RAP1GAP2: variants seen among roughly 807,000 people sequenced by gnomAD.
RAP1GAP2 encodes RAP1 GTPase activating protein 2.
A neutral mutation model predicts 95.0 loss-of-function variants in RAP1GAP2; 27 were observed. That is an observed-to-expected ratio of 0.28 (90% CI 0.21 to 0.39). The LOEUF is 0.39. Among genes scored for constraint, RAP1GAP2 ranks in the 10% least tolerant of loss-of-function variants. The probability of loss-of-function intolerance (pLI) is 1.00; values close to 1 mark genes in which losing one functional copy is unlikely to be tolerated. For synonymous variants in RAP1GAP2, 373 were observed against 380.9 expected (o/e 0.98, Z 0.24); for missense variants, 771 against 970.0 (o/e 0.79, Z 2.72).
intron 1 of RAP1GAP2, among the ~76,000 whole-genome samples, chr17:2,785,983 C>A (rs995552242): frequency 6.7e-6 from 1 of 149,148 alleles, no homozygotes; most frequent in Non-Finnish European, 1.5e-5. Context: ...CTCACCGCAA[C>A]CTCCACCTCC....
intron 3 of RAP1GAP2, among the ~76,000 whole-genome samples, chr17:2,907,272 G>A (rs2042228864): frequency 6.6e-6 from 1 of 152,148 alleles, no homozygotes; most frequent in Non-Finnish European, 1.5e-5. Context: ...GGAGGGGTAG[G>A]TCCTAGAGGG....
chr17:2,987,553 G>A (rs1425958220), intron 11 of RAP1GAP2, among the ~76,000 whole-genome samples: 2 of 151,916 alleles, frequency 1.3e-5, no homozygotes, highest in Non-Finnish European at 1.5e-5. Flanking sequence ...TAGAGACGGG[G>A]TTTCACCGTG....
chr17:2,892,492 T>G (rs2073758288), intron 2 of RAP1GAP2, among the ~76,000 whole-genome samples: 3 of 152,250 alleles, frequency 2.0e-5, no homozygotes, highest in Admixed American at 1.3e-4. Context: ...GACGGTCCAC[T>G]GGGGCTGTAT....
rs1367584452 is a variant in RAP1GAP2, at chr17:3,036,224, CT to C, written c.*2868del. ...TCATCTCAACACAAGCCTGCTGGCTCTTTTTAGCATCTCATCCAACCATGTC... is the reference window on the plus strand; with the variant it reads ...TCATCTCAACACAAGCCTGCTGGCTCTTTTAGCATCTCATCCAACCATGTC... On this transcript the variant is annotated 3_prime_UTR_variant, in exon 25 of 25. Transcript: ENST00000254695. 1 of 152,240 alleles carries C rather than the reference CT, an allele frequency of 6.6e-6. No homozygotes were observed. Among genetic ancestry groups the C allele is most frequent in the Non-Finnish European group, 1.5e-5 (1 of 68,046 alleles). The allele number at this position is 152,240 out of a possible 1,614,324, so 9.4% of individuals were successfully genotyped here.
Position 2,886,171 on chromosome 17 carries a change from ATTTTTT to A in RAP1GAP2, c.81-19099_81-19094del, listed in dbSNP as rs564574824. ...TGTGTGTGTGTGTGTGTATATATAT[ATTTTTT>A]TTTTTTTTTTTTTGAGCCGGAGTCT... is the stretch of plus-strand genomic sequence containing the variant. On this transcript the variant is annotated intron_variant, in intron 2 of 24. Transcript: ENST00000254695. Among the ~76,000 whole-genome samples the A allele has an allele frequency of 1.3e-3, 157 of 123,356 alleles. 2 individuals carry two copies. Among genetic ancestry groups the A allele is most frequent in the Middle Eastern group, 3.8e-3 (1 of 266 alleles). The allele number at this position is 123,356 out of a possible 152,430, so 80.9% of individuals were successfully genotyped here.
intron 19 of RAP1GAP2, among the ~76,000 whole-genome samples, chr17:3,024,477 G>C (rs9898054): frequency 0.95 from 145,229 of 152,336 alleles, 69,287 homozygotes; most frequent in African/African-American, 0.98. Flanking sequence ...CTTTGGAAAA[G>C]AGTCTGGCAG....
Position 3,005,915 on chromosome 17 carries a change from C to A in RAP1GAP2, c.1273-40C>A. ...GTGGCTGAAGACCTTCTGGCAACAGCCGAGAGTGACAGACCTGAGGTCCGT... is the reference window on the plus strand; with the variant it reads ...GTGGCTGAAGACCTTCTGGCAACAGACGAGAGTGACAGACCTGAGGTCCGT... On this transcript the variant is annotated intron_variant, in intron 15 of 24. Coordinates refer to ENST00000254695, the MANE Select transcript of RAP1GAP2 (RefSeq NM_015085.5). The surrounding 1 kb of genome is among the most constrained non-coding windows in gnomAD (Gnocchi z 5.2). The A allele has an allele frequency of 6.3e-7, 1 of 1,579,100 alleles. No individual in the cohort carries two copies. Among genetic ancestry groups the A allele is most frequent in the Non-Finnish European group, 8.7e-7 (1 of 1,148,236 alleles).
intron 2 of RAP1GAP2, among the ~76,000 whole-genome samples, chr17:2,803,406 G>C (rs2069381632): frequency 6.6e-6 from 1 of 152,208 alleles, no homozygotes; most frequent in East Asian, 1.9e-4. Context: ...GAACTGAAGG[G>C]GAGGAAGCAA....
At chr17:2,956,128 G>A (rs2151468866) in intron 3 of RAP1GAP2, among the ~76,000 whole-genome samples, 1 of 152,318 alleles carries the variant, frequency 6.6e-6, no homozygotes, top group East Asian at 1.9e-4. Flanking sequence ...CCTAAGCCTG[G>A]AGATGGTAAG....
At chr17:2,759,363 C>G (rs977456533) in intron 1 of RAP1GAP2, among the ~76,000 whole-genome samples, 1 of 152,190 alleles carries the variant, frequency 6.6e-6, no homozygotes, top group Non-Finnish European at 1.5e-5. Flanking sequence ...TCACTGTAGC[C>G]TCTACCCGCT....
chr17:2,945,278 A>T (rs1331837793), intron 3 of RAP1GAP2, among the ~76,000 whole-genome samples: 2 of 151,846 alleles, frequency 1.3e-5, no homozygotes, highest in Non-Finnish European at 2.9e-5. Context: ...GTCTTTTCTG[A>T]TTGTGTCTCT....
chr17:2,980,437 A>T (rs1254946450), intron 9 of RAP1GAP2, 72 bp downstream of exon 9: 3 of 1,466,442 alleles, frequency 2.0e-6, no homozygotes, highest in Admixed American at 3.4e-5. Context: ...ATGGGGGTGC[A>T]GGTATATCCT....
chr17:3,029,502 G>T lies in RAP1GAP2; in HGVS notation c.2108-1420G>T, dbSNP rs760734461. 2.0e-5 allele frequency among the ~76,000 whole-genome samples: 3 copies of T among 152,174 alleles called. No homozygotes were observed. The highest frequency in any genetic ancestry group is 6.5e-5 in the Admixed American group (1 of 15,272). On this transcript the variant is annotated intron_variant, in intron 22 of 24. Coordinates refer to ENST00000254695, the MANE Select transcript of RAP1GAP2 (RefSeq NM_015085.5). This position sits in a 1 kb window ranked among gnomAD's most constrained non-coding sequence, Gnocchi z 4.4. ...TTGGCTGAGTCTGGGGAGAGGCAGG[G>T]TGGAGTGGGGAGAGGTGGCCTGACG...
At chr17:2,978,373 C>A (rs1221974329) in intron 8 of RAP1GAP2, among the ~76,000 whole-genome samples, 1 of 152,066 alleles carries the variant, frequency 6.6e-6, no homozygotes, top group Non-Finnish European at 1.5e-5. Context: ...CTGCAACAGT[C>A]CCTCCGATCA....
intron 7 of RAP1GAP2, chr17:2,964,754 C>T (rs1021400182): frequency 6.5e-6 from 1 of 152,768 alleles, no homozygotes; most frequent in African/African-American, 2.4e-5. Flanking sequence ...AGTGCTTGTA[C>T]TGCATAGTGT....
intron 2 of RAP1GAP2, among the ~76,000 whole-genome samples, chr17:2,889,890 T>TATATATATATATATATATATATA (rs1491260344): frequency 3.4e-5 from 1 of 29,634 alleles, no homozygotes; most frequent in Non-Finnish European, 6.2e-5. Context: ...TATATATATA[T>TATATATATATATATATATATATA]TTTTTTTTTT....
intron 8 of RAP1GAP2, among the ~76,000 whole-genome samples, chr17:2,969,434 C>A (rs2044757271): frequency 6.7e-6 from 1 of 148,190 alleles, no homozygotes; most frequent in African/African-American, 2.5e-5. Context: ...CCATTTGAAA[C>A]ACACACACAC....
Position 2,962,767 on chromosome 17 carries a change from C to T in RAP1GAP2, c.246+53C>T, listed in dbSNP as rs58141109. On this transcript the variant is annotated intron_variant, in intron 5 of 24. Transcript: ENST00000254695. ...AGACGGCCCTGGTGAGGGGCTAGGG[C>T]GAGAGGAAGGCAGGAGGGGCTGCCG... 3.6e-3 allele frequency: 5,369 copies of T among 1,495,588 alleles called. 133 individuals are homozygous for T. The East Asian group carries it at 0.072, about 20-fold the overall frequency. The allele number at this position is 1,495,588 out of a possible 1,614,324, so 92.6% of individuals were successfully genotyped here.
chr17:3,035,636 T>A lies in RAP1GAP2; in HGVS notation c.*2275T>A, dbSNP rs1004761423. On this transcript the variant is annotated 3_prime_UTR_variant, in exon 25 of 25. Coordinates refer to ENST00000254695, the MANE Select transcript of RAP1GAP2 (RefSeq NM_015085.5). The surrounding 1 kb of genome is among the most constrained non-coding windows in gnomAD (Gnocchi z 4.3). ...AACAGGACCCCAAATGCCTCTTCCC[T>A]CTGGTCATGCCTCACTATCTCTAGG... The A allele has an allele frequency of 2.6e-5, 4 of 152,350 alleles. No individual in the cohort carries two copies. The highest frequency in any genetic ancestry group is 9.7e-5 in the African/African-American group (4 of 41,442). The allele number at this position is 152,350 out of a possible 1,614,324, so 9.4% of individuals were successfully genotyped here. A position where few individuals can be genotyped will look rare whatever the true frequency, so the allele number is the denominator to read the frequency against.
Sources: allele counts gnomAD v4.1 joint callset (sites outside exome capture counted in the v4.1 genomes callset), GRCh38; gene constraint gnomAD v4.1.1; non-coding constraint Gnocchi (gnomAD v3.1); transcripts MANE v1.5; gene names NCBI Gene and HGNC (gene_info 2026-07-23, HGNC 2026-07-21).